The following ASPRV1 variants were observed in gnomAD, a reference collection of about 807,000 sequenced individuals.
ASPRV1 encodes the protein retroviral-like aspartic protease 1.
In ASPRV1, 7 loss-of-function variants were observed where a neutral mutation model predicts 11.0. The ratio of observed to expected loss-of-function variants is 0.64; its 90% CI spans 0.36 to 1.20. ASPRV1 has a LOEUF of 1.20. ASPRV1 is among the 50% of genes most tolerant of loss of function. The pLI is 0.02. For synonymous variants in ASPRV1, 136 were observed against 138.4 expected (o/e 0.98, Z 0.12); for missense variants, 299 against 320.0 (o/e 0.93, Z 0.50).
At position 69,960,464 on chromosome 2, in the gene ASPRV1, T is replaced by TTCCA. The variant is rs1678042686; in HGVS notation, c.*192_*193insTGGA. ...CTAAGCCAGCCTGCTCTCCCTCACC[T>TTCCA]GTGCCTGTTCAGTGGAAGCCTCCCC... On this transcript the variant is annotated 3_prime_UTR_variant, in exon 1 of 1. Coordinates refer to ENST00000320256, the MANE Select transcript of ASPRV1 (RefSeq NM_152792.4). The TTCCA allele has an allele frequency of 4.9e-6, 3 of 608,600 alleles. No individual in the cohort carries two copies. Among genetic ancestry groups the TTCCA allele is most frequent in the East Asian group, 5.5e-5 (2 of 36,064 alleles). The allele number at this position is 608,600 out of a possible 1,614,324, so 37.7% of individuals were successfully genotyped here.
chr2:69,949,262 T>C, the ASPRV1 span, among the ~76,000 whole-genome samples: 4 of 148,514 alleles, frequency 2.7e-5, no homozygotes, highest in African/African-American at 1.0e-4. Flanking sequence ...GGCGAATGAA[T>C]GAATGAATGA....
At chr2:70,061,394 CA>C in the ASPRV1 span, among the ~76,000 whole-genome samples, 347 of 77,900 alleles carry the variant, frequency 4.5e-3, no homozygotes, top group African/African-American at 0.011. Flanking sequence ...GACTCTGTCT[CA>C]AAAAAAAAAA....
the ASPRV1 span, among the ~76,000 whole-genome samples, chr2:70,017,793 G>A: frequency 6.6e-6 from 1 of 151,952 alleles, no homozygotes; most frequent in African/African-American, 2.4e-5. Context: ...CAATAACAAC[G>A]AACTATCAAA....
the ASPRV1 span, among the ~76,000 whole-genome samples, chr2:70,013,342 C>T: frequency 1.3e-5 from 2 of 150,834 alleles, no homozygotes; most frequent in Admixed American, 1.3e-4. Context: ...GATGACATAA[C>T]AAAGAAGAGT....
At chr2:69,956,445 A>AGAAGAGGAAGAG (rs1312822549), downstream of ASPRV1, among the ~76,000 whole-genome samples, 6 of 146,812 alleles carry the variant, frequency 4.1e-5, no homozygotes, top group Admixed American at 1.4e-4. Context: ...AAGGAGAAGG[A>AGAAGAGGAAGAG]GAAGAGGAAG....
the ASPRV1 span, among the ~76,000 whole-genome samples, chr2:70,027,259 CAAAA>C: frequency 3.2e-4 from 16 of 49,674 alleles, no homozygotes; most frequent in African/African-American, 8.8e-4. Flanking sequence ...CCCTGTCTCT[CAAAA>C]AAAAAAAAAA....
the ASPRV1 span, among the ~76,000 whole-genome samples, chr2:69,944,001 C>G: frequency 6.6e-6 from 1 of 152,240 alleles, no homozygotes; most frequent in South Asian, 2.1e-4. Context: ...CCTGGTACTT[C>G]TACTTTGGAA....
chr2:69,979,582 C>A, the ASPRV1 span, among the ~76,000 whole-genome samples: 2 of 152,180 alleles, frequency 1.3e-5, no homozygotes, highest in African/African-American at 2.4e-5. Context: ...AAACTGGGCA[C>A]AAAGGCCCCC....
the ASPRV1 span, among the ~76,000 whole-genome samples, chr2:70,084,071 C>A: frequency 6.6e-6 from 1 of 151,892 alleles, no homozygotes; most frequent in Non-Finnish European, 1.5e-5. Flanking sequence ...TTAAGACTCT[C>A]GGGGAAGGAG....
the ASPRV1 span, among the ~76,000 whole-genome samples, chr2:69,970,578 T>C: frequency 6.6e-6 from 1 of 152,130 alleles, no homozygotes. Flanking sequence ...CTCCAGGAAG[T>C]CTCCTTTGAT....
At chr2:69,956,502 AGAGGAGGAGGG>A (rs1025259585), downstream of ASPRV1, among the ~76,000 whole-genome samples, 1 of 120,692 alleles carries the variant, frequency 8.3e-6, no homozygotes, top group African/African-American at 4.2e-5. Flanking sequence ...AGAAGAAAGC[AGAGGAGGAGGG>A]GAGGAGGAGG....
the ASPRV1 span, among the ~76,000 whole-genome samples, chr2:70,004,151 A>T: frequency 6.6e-6 from 1 of 152,098 alleles, no homozygotes; most frequent in Non-Finnish European, 1.5e-5. Flanking sequence ...TTCTTGGAGG[A>T]AAGGTTTCTT....
At chr2:70,000,336 CCACACA>C in the ASPRV1 span, among the ~76,000 whole-genome samples, 15 of 126,330 alleles carry the variant, frequency 1.2e-4, no homozygotes, top group African/African-American at 4.1e-4. Context: ...AAAAAAAAAA[CCACACA>C]CACACACACA....
chr2:70,059,058 T>C, the ASPRV1 span, among the ~76,000 whole-genome samples: 4 of 151,140 alleles, frequency 2.6e-5, no homozygotes, highest in Non-Finnish European at 4.4e-5. Flanking sequence ...CGGCTAATTT[T>C]TTGTATTTTT....
At chr2:69,999,655 C>CAAAAA in the ASPRV1 span, among the ~76,000 whole-genome samples, 2 of 54,030 alleles carry the variant, frequency 3.7e-5, no homozygotes, top group African/African-American at 6.1e-5. Context: ...GACTCTGTCT[C>CAAAAA]AAAAAAAAAA....
the ASPRV1 span, among the ~76,000 whole-genome samples, chr2:69,967,462 T>C: frequency 6.6e-6 from 1 of 152,232 alleles, no homozygotes; most frequent in Non-Finnish European, 1.5e-5. Flanking sequence ...CTTGGATTAA[T>C]TTTTGTTGCT....
At chr2:70,062,208 G>A in the ASPRV1 span, among the ~76,000 whole-genome samples, 8 of 151,874 alleles carry the variant, frequency 5.3e-5, no homozygotes, top group African/African-American at 1.9e-4. Flanking sequence ...GGGAGGTTGA[G>A]GCAGGAGAAC....
At chr2:70,000,832 A>C in the ASPRV1 span, among the ~76,000 whole-genome samples, 14 of 151,068 alleles carry the variant, frequency 9.3e-5, no homozygotes, top group African/African-American at 2.9e-4. Context: ...GAAAAAGAAA[A>C]GAAAACTAGA....
the ASPRV1 span, among the ~76,000 whole-genome samples, chr2:70,052,019 ATGC>A: frequency 6.6e-6 from 1 of 152,256 alleles, no homozygotes; most frequent in East Asian, 1.9e-4. Flanking sequence ...ATAGAATGAG[ATGC>A]TGCCTGATTC....
Sources: allele counts gnomAD v4.1 joint callset (sites outside exome capture counted in the v4.1 genomes callset), GRCh38; gene constraint gnomAD v4.1.1; transcripts MANE v1.5; gene names NCBI Gene and HGNC (gene_info 2026-07-23, HGNC 2026-07-21).